FLRT1: variants seen among roughly 807,000 people sequenced by gnomAD.
FLRT1 encodes the protein leucine-rich repeat transmembrane protein FLRT1.
A neutral mutation model predicts 30.9 loss-of-function variants in FLRT1; 14 were observed. The ratio of observed to expected loss-of-function variants is 0.45; its 90% confidence interval spans 0.30 to 0.71. FLRT1 has a LOEUF of 0.71. Among genes scored for constraint, FLRT1 ranks in the 30% least tolerant of loss-of-function variants. The pLI, the probability that FLRT1 is intolerant of heterozygous loss-of-function variation, is 0.08. For synonymous variants in FLRT1, 368 were observed against 430.4 expected (o/e 0.85, Z 1.80); for missense variants, 737 against 949.2 (o/e 0.78, Z 2.94).
At position 64,109,608 on chromosome 11, in the gene FLRT1, G is replaced by A. The variant is rs576183640; in HGVS notation, c.-50+5427G>A. Among the ~76,000 whole-genome samples the A allele has an allele frequency of 8.5e-5, 13 of 152,266 alleles. No individual in the cohort carries two copies. In the East Asian group the frequency reaches 1.2e-3, roughly 14 times the overall value. Reference sequence around the variant, plus strand: ...TCTGGCCACTGGATGACCTGGTGACGAAGGCCCATTTAAAACCCTCTTACC... The same window carrying A: ...TCTGGCCACTGGATGACCTGGTGACAAAGGCCCATTTAAAACCCTCTTACC... On this transcript the variant is annotated intron_variant, in intron 2 of 2. Coordinates refer to ENST00000682287, the MANE Select transcript of FLRT1 (RefSeq NM_013280.5).
chr11:64,096,353 G>A lies in FLRT1; in HGVS notation c.-1037-6841G>A, dbSNP rs112068027. Among the ~76,000 whole-genome samples, 26 of 152,232 alleles carry A rather than the reference G, an allele frequency of 1.7e-4. 1 individual carries two copies. The highest frequency in any genetic ancestry group is 4.1e-4 in the African/African-American group (17 of 41,548). The stretch of plus-strand genomic sequence containing the variant: ...GCTGGACACGGTCCCTAATGGGCAC[G>A]GGCGACGCATTACAGTGAGGTCTGC... On this transcript the variant is annotated intron_variant, in intron 1 of 2. Coordinates refer to ENST00000682287, the MANE Select transcript of FLRT1 (RefSeq NM_013280.5). This position sits in a 1 kb window ranked among gnomAD's most constrained non-coding sequence, Gnocchi z 4.6.
intron 1 of FLRT1, among the ~76,000 whole-genome samples, chr11:64,047,047 C>A (rs560822544): frequency 4.6e-5 from 7 of 152,190 alleles, no homozygotes; most frequent in Admixed American, 2.0e-4. Flanking sequence ...CAGTGCCCCC[C>A]CCGGCTAGCA....
Position 64,113,871 on chromosome 11 carries a change from C to CATGGATGGAAGGATGG in FLRT1, c.-49-2339_-49-2338insAGGATGGATGGATGGA, listed in dbSNP as rs572595392. ...GGACAGCTGGATGTATGGATTGATA[C>CATGGATGGAAGGATGG]ATGGATGGATGGATGGATGGATGGA... is the stretch of plus-strand genomic sequence containing the variant. On this transcript the variant is annotated intron_variant, in intron 2 of 2. Transcript: ENST00000682287. Among the ~76,000 whole-genome samples the CATGGATGGAAGGATGG allele has an allele frequency of 2.5e-3, 191 of 77,906 alleles. 4 individuals carry two copies. The highest frequency in any genetic ancestry group is 0.015 in the Middle Eastern group (1 of 66). 51.1% of individuals were successfully genotyped at this position (77,906 alleles called of 152,430 possible). A position where few individuals can be genotyped will look rare whatever the true frequency, so the allele number is the denominator to read the frequency against.
At chr11:64,112,341 C>T (rs1944877990) in intron 2 of FLRT1, among the ~76,000 whole-genome samples, 1 of 151,994 alleles carries the variant, frequency 6.6e-6, no homozygotes, top group Non-Finnish European at 1.5e-5. Context: ...GTGAGACCCC[C>T]GTCTCTACTA....
intron 2 of FLRT1, among the ~76,000 whole-genome samples, chr11:64,107,135 C>T (rs934434016): frequency 2.0e-5 from 3 of 152,218 alleles, no homozygotes; most frequent in African/African-American, 7.2e-5. Context: ...CCACCTGCCT[C>T]AGCCTCCCAA....
intron 1 of FLRT1, among the ~76,000 whole-genome samples, chr11:64,062,442 C>T (rs572094061): frequency 2.3e-4 from 35 of 152,246 alleles, no homozygotes; most frequent in Middle Eastern, 3.4e-3. Flanking sequence ...TGGGCATAGG[C>T]GGAAGGCTCG....
rs567825462 is a variant in FLRT1, at chr11:64,099,139, G to A, written c.-1037-4055G>A. 9.2e-5 allele frequency among the ~76,000 whole-genome samples: 14 copies of A among 152,300 alleles called. No homozygotes were observed. The East Asian group carries it at 1.7e-3, about 19-fold the overall frequency. On this transcript the variant is annotated intron_variant, in intron 1 of 2. Coordinates refer to ENST00000682287, the MANE Select transcript of FLRT1 (RefSeq NM_013280.5). ...ACCTGCCTCCCTCTGGATTGCCACT[G>A]AGCTCACATGTGACTGTCATAACAT... is the stretch of plus-strand genomic sequence containing the variant.
intron 1 of FLRT1, among the ~76,000 whole-genome samples, chr11:64,044,612 C>T (rs548462615): frequency 1.1e-4 from 17 of 152,226 alleles, no homozygotes; most frequent in African/African-American, 3.9e-4. Flanking sequence ...CACTGAGTGG[C>T]AAAGTCACTT....
intron 2 of FLRT1, among the ~76,000 whole-genome samples, chr11:64,114,234 G>T (rs373266017): frequency 6.7e-6 from 1 of 149,302 alleles, no homozygotes; most frequent in Non-Finnish European, 1.5e-5. Flanking sequence ...ACAGATGGAT[G>T]CATGGATGAA....
At chr11:64,094,654 T>G (rs529605078) in intron 1 of FLRT1, among the ~76,000 whole-genome samples, 10 of 152,290 alleles carry the variant, frequency 6.6e-5, no homozygotes, top group African/African-American at 1.9e-4. Context: ...AGGCTCAGTG[T>G]GTGGCTGCTG....
intron 1 of FLRT1, among the ~76,000 whole-genome samples, chr11:64,042,061 G>A (rs1943497393): frequency 6.6e-6 from 1 of 152,208 alleles, no homozygotes; most frequent in Non-Finnish European, 1.5e-5. Context: ...GGTGGGCCAG[G>A]CCTGGAGCTG....
Position 64,116,787 on chromosome 11 carries a change from GC to G in FLRT1, c.522del (p.Asp175ThrfsTer10). 6.2e-7 allele frequency: 1 copy of G among 1,613,410 alleles called. No individual in the cohort carries two copies. The highest frequency in any genetic ancestry group is 8.5e-7 in the Non-Finnish European group (1 of 1,180,030). ...CGTCAGCATTGAGGAGGACGCCTTCGCCGACAGCAAACAGCTCAAGCTGCTC... is the reference window on the plus strand; with the variant it reads ...CGTCAGCATTGAGGAGGACGCCTTCGCGACAGCAAACAGCTCAAGCTGCTC... ...STVSIEEDAF[A>X]DSKQLKLLFL... On this transcript the variant is annotated frameshift_variant, in exon 3 of 3. Transcript: ENST00000682287. LOFTEE classifies it high-confidence loss of function.
intron 2 of FLRT1, among the ~76,000 whole-genome samples, chr11:64,115,856 G>A (rs1362773567): frequency 6.6e-6 from 1 of 152,198 alleles, no homozygotes; most frequent in African/African-American, 2.4e-5. Flanking sequence ...AAGTGGCTTT[G>A]TGTGAAGTCT....
At position 64,118,109 on chromosome 11, in the gene FLRT1, C is replaced by G. The variant is rs1260160762; in HGVS notation, c.1842C>G (p.Ile614Met). ...GTKKDNSILE[I>M]RGPGLQMLPI... is the part of the protein sequence containing the mutation. ...AGAAGGATAACTCCATCCTGGAAAT[C>G]CGCGGCCCTGGGCTGCAGATGCTGC... The change falls in exon 3 of 3, where the codon ATC becomes ATG. Residue 614 changes from isoleucine (I) to methionine (M), a missense_variant. Transcript: ENST00000682287. 1 of 1,611,610 alleles carries G rather than the reference C, an allele frequency of 6.2e-7. No homozygotes were observed. The highest frequency in any genetic ancestry group is 1.7e-5 in the Admixed American group (1 of 59,954).
intron 2 of FLRT1, 51 bp from the exon 3 acceptor site, chr11:64,116,168 G>A: frequency 1.3e-6 from 2 of 1,496,210 alleles, no homozygotes; most frequent in Non-Finnish European, 1.8e-6. Context: ...TCACTCCTGG[G>A]GTCGCTGTCG....
intron 1 of FLRT1, among the ~76,000 whole-genome samples, chr11:64,057,207 G>A (rs554511611): frequency 1.3e-5 from 2 of 152,238 alleles, no homozygotes; most frequent in East Asian, 1.9e-4. Context: ...AGAAAGGGCA[G>A]CCTCTGGGAC....
intron 2 of FLRT1, among the ~76,000 whole-genome samples, chr11:64,108,013 C>T (rs1944793441): frequency 1.3e-5 from 2 of 152,106 alleles, no homozygotes; most frequent in African/African-American, 4.8e-5. Context: ...CACAAAAGCC[C>T]AGGGAAGTAG....
intron 1 of FLRT1, among the ~76,000 whole-genome samples, chr11:64,070,899 A>G (rs1944097222): frequency 6.6e-6 from 1 of 152,124 alleles, no homozygotes; most frequent in Non-Finnish European, 1.5e-5. Flanking sequence ...CACTTGGGGA[A>G]GGGGTACCCA....
chr11:64,116,417 C>T lies in FLRT1; in HGVS notation c.150C>T (p.Asp50=), dbSNP rs751216485. 8 of 1,614,040 alleles carry T rather than the reference C, an allele frequency of 5.0e-6. No homozygotes were observed. The East Asian group carries it at 6.7e-5, about 13-fold the overall frequency. The part of the protein sequence containing the change: ...GLIAFLTEVI[D]STTCPSVCRC... ...TCGCCTTCCTGACGGAGGTCATCGA[C>T]AGCACCACCTGCCCCTCGGTGTGCC... is the stretch of plus-strand genomic sequence containing the variant. The change falls in exon 3 of 3, where the codon GAC becomes GAT. Residue 50 remains aspartate (D), a synonymous_variant. Coordinates refer to ENST00000682287, the MANE Select transcript of FLRT1 (RefSeq NM_013280.5).
Sources: gnomAD v4.1 joint callset for allele counts (sites outside exome capture counted in the v4.1 genomes callset) on GRCh38, gnomAD v4.1.1 for gene constraint, Gnocchi (gnomAD v3.1) non-coding constraint, MANE v1.5 for transcripts, NCBI Gene and HGNC (gene_info 2026-07-23, HGNC 2026-07-21) for gene names.